Variants in SMAD1 observed in about 807,000 individuals in gnomAD.
SMAD1 encodes the protein MAD, mothers against decapentaplegic homolog 1.
In SMAD1, 6 loss-of-function variants were observed where a neutral mutation model predicts 41.6. The observed-to-expected ratio is 0.14, with a 90% CI of 0.08 to 0.28. The LOEUF (loss-of-function observed/expected upper bound fraction) is 0.28, where lower values mean the gene tolerates loss of function less well. SMAD1 is among the 10% of genes least tolerant of loss of function. The probability of loss-of-function intolerance (pLI) is 1.00; values close to 1 mark genes in which losing one functional copy is unlikely to be tolerated. For missense variants in SMAD1, 379 were observed against 582.6 expected (o/e 0.65, Z 3.60); for synonymous variants, 206 against 203.2 (o/e 1.01, Z -0.12).
At chr4:145,536,612 A>G (rs1230250843) in intron 2 of SMAD1, among the ~76,000 whole-genome samples, 3 of 152,354 alleles carry the variant, frequency 2.0e-5, no homozygotes, top group Middle Eastern at 3.4e-3. Flanking sequence ...GCACGTCTTC[A>G]TATTAGAATT....
At chr4:145,541,482 G>A (rs934686454) in intron 3 of SMAD1, among the ~76,000 whole-genome samples, 6 of 152,274 alleles carry the variant, frequency 3.9e-5, no homozygotes, top group African/African-American at 1.2e-4. Flanking sequence ...AGATAAAGCC[G>A]AGTCAGCCTT....
chr4:145,523,394 A>G (rs1025778173), intron 2 of SMAD1, among the ~76,000 whole-genome samples: 5 of 152,224 alleles, frequency 3.3e-5, no homozygotes, highest in Non-Finnish European at 5.9e-5. Context: ...ATATATGTGT[A>G]TGTTTCAGTG....
chr4:145,528,287 T>C (rs558848237), intron 2 of SMAD1, among the ~76,000 whole-genome samples: 6 of 152,156 alleles, frequency 3.9e-5, no homozygotes, highest in African/African-American at 9.6e-5. Flanking sequence ...GTATTTTTAA[T>C]AGAGTCAGGG....
In SMAD1 at chr4:145,558,132, C is replaced by T. The variant is rs532454853; in HGVS notation, c.*198C>T. 7.5e-6 allele frequency: 3 copies of T among 399,338 alleles called. No individual in the cohort carries two copies. The South Asian group carries it at 3.1e-4, about 41-fold the overall frequency. 24.7% of individuals were successfully genotyped at this position (399,338 alleles called of 1,614,324 possible). A position where few individuals can be genotyped will look rare whatever the true frequency, so the allele number is the denominator to read the frequency against. On this transcript the variant is annotated 3_prime_UTR_variant, in exon 7 of 7. Transcript: ENST00000302085. ...GGTAACATACTGTTGATATCAAGAA[C>T]CTGTTTAGTTTACATTGTAACATTC...
intron 2 of SMAD1, among the ~76,000 whole-genome samples, chr4:145,527,769 A>G (rs1382799946): frequency 6.6e-6 from 1 of 152,042 alleles, no homozygotes; most frequent in Non-Finnish European, 1.5e-5. Context: ...GAATGTGATC[A>G]TATGTGCACC....
At chr4:145,519,845 A>G (rs1730643641) in intron 2 of SMAD1, among the ~76,000 whole-genome samples, 1 of 151,658 alleles carries the variant, frequency 6.6e-6, no homozygotes, top group African/African-American at 2.4e-5. Flanking sequence ...CTAATTCTAC[A>G]CTCTACTTTT....
Position 145,554,091 on chromosome 4 carries a change from CTT to C in SMAD1, c.1254+67_1254+68del, listed in dbSNP as rs10715854. ...TAGGGCCTAACATACTTTTGCTGTGCTTTTTTTTTTTTTTTTTGGCGATATAT... is the reference window on the plus strand; with the variant it reads ...TAGGGCCTAACATACTTTTGCTGTGCTTTTTTTTTTTTTTTGGCGATATAT... On this transcript the variant is annotated intron_variant, in intron 6 of 6. Coordinates refer to ENST00000302085, the MANE Select transcript of SMAD1 (RefSeq NM_005900.3). The C allele has an allele frequency of 0.1, 111,932 of 1,099,168 alleles. 3 individuals carry two copies. Among genetic ancestry groups the C allele is most frequent in the Non-Finnish European group, 0.11 (89,685 of 809,968 alleles). The allele number at this position is 1,099,168 out of a possible 1,614,324, so 68.1% of individuals were successfully genotyped here.
At chr4:145,542,194 C>G (rs968591094) in intron 3 of SMAD1, among the ~76,000 whole-genome samples, 13 of 152,212 alleles carry the variant, frequency 8.5e-5, no homozygotes, top group Non-Finnish European at 1.8e-4. Context: ...CTTAAGAAGT[C>G]CAGTGAAGCT....
At chr4:145,532,601 A>G (rs1358932448) in intron 2 of SMAD1, among the ~76,000 whole-genome samples, 1 of 152,238 alleles carries the variant, frequency 6.6e-6, no homozygotes, top group African/African-American at 2.4e-5. Flanking sequence ...CTTTGAAAGC[A>G]GATTCTTATT....
chr4:145,533,552 C>T (rs1731437721), intron 2 of SMAD1, among the ~76,000 whole-genome samples: 1 of 151,888 alleles, frequency 6.6e-6, no homozygotes, highest in African/African-American at 2.4e-5. Context: ...CGCATGGTGG[C>T]AGGCATCTGT....
At chr4:145,502,263 T>A (rs996892390) in intron 1 of SMAD1, among the ~76,000 whole-genome samples, 2 of 152,120 alleles carry the variant, frequency 1.3e-5, no homozygotes, top group African/African-American at 4.8e-5. Flanking sequence ...TATGGGGAGC[T>A]GGACATCTTG....
At chr4:145,496,945 G>A (rs1345713178) in intron 1 of SMAD1, 1 of 152,152 alleles carries the variant, frequency 6.6e-6, no homozygotes, top group Admixed American at 6.5e-5. Flanking sequence ...AAGAGAAAGA[G>A]TGATTTATAT....
chr4:145,546,181 C>T (rs190972676), intron 4 of SMAD1: 1 of 156,802 alleles, frequency 6.4e-6, no homozygotes, highest in East Asian at 1.8e-4. Context: ...GGTAAAGTAA[C>T]TTCTTATCAA....
At chr4:145,551,211 T>C (rs1049708925) in intron 5 of SMAD1, among the ~76,000 whole-genome samples, 4 of 152,194 alleles carry the variant, frequency 2.6e-5, no homozygotes, top group African/African-American at 9.6e-5. Context: ...TATAAAAATA[T>C]AATGTATGTT....
chr4:145,557,129 G>T (rs531366572), intron 6 of SMAD1, among the ~76,000 whole-genome samples: 1 of 152,282 alleles, frequency 6.6e-6, no homozygotes, highest in South Asian at 2.1e-4. Context: ...TTTGATCTTT[G>T]CAGTAGCAGT....
chr4:145,503,139 T>G (rs767070894), intron 1 of SMAD1, among the ~76,000 whole-genome samples: 27 of 152,302 alleles, frequency 1.8e-4, no homozygotes, highest in Non-Finnish European at 3.4e-4. Context: ...AATGTCAAAC[T>G]AGCTATTCTG....
intron 3 of SMAD1, among the ~76,000 whole-genome samples, chr4:145,542,033 G>A (rs1373188121): frequency 6.6e-6 from 1 of 152,192 alleles, no homozygotes; most frequent in Admixed American, 6.5e-5. Context: ...TTTAAAGCTA[G>A]TGATTATTTA....
chr4:145,482,569 G>A lies in SMAD1; in HGVS notation c.-177+531G>A, dbSNP rs913614654. On this transcript the variant is annotated intron_variant, in intron 1 of 6. Coordinates refer to ENST00000302085, the MANE Select transcript of SMAD1 (RefSeq NM_005900.3). This position sits in a 1 kb window ranked among gnomAD's most constrained non-coding sequence, Gnocchi z 4.2. ...GCTGCTCTCCAAGGCGCCTGGTGGA[G>A]CGGGTCTCGCGGGCGGGGGACCCCG... The A allele has an allele frequency of 6.6e-6, 1 of 150,792 alleles. No homozygotes were observed. Among genetic ancestry groups the A allele is most frequent in the Non-Finnish European group, 1.5e-5 (1 of 67,580 alleles). The allele number at this position is 150,792 out of a possible 1,614,324, so 9.3% of individuals were successfully genotyped here. A position where few individuals can be genotyped will look rare whatever the true frequency, so the allele number is the denominator to read the frequency against.
intron 1 of SMAD1, among the ~76,000 whole-genome samples, chr4:145,495,522 C>G (rs902112152): frequency 9.2e-5 from 14 of 151,796 alleles, no homozygotes; most frequent in African/African-American, 3.4e-4. Flanking sequence ...AACTATTAAC[C>G]TCAAGATAAA....
Sources: gnomAD v4.1 joint callset for allele counts (sites outside exome capture counted in the v4.1 genomes callset) on GRCh38, gnomAD v4.1.1 for gene constraint, Gnocchi (gnomAD v3.1) non-coding constraint, MANE v1.5 for transcripts, NCBI Gene and HGNC (gene_info 2026-07-23, HGNC 2026-07-21) for gene names.